The following MPPE1 variants were observed in gnomAD, a reference collection of about 807,000 sequenced individuals.
MPPE1 encodes metallophosphoesterase 1, also known as metallo phosphoesterase.
MPPE1 carries 28 observed loss-of-function variants against 43.8 expected under a neutral mutation model. The ratio of observed to expected loss-of-function variants is 0.64; its 90% CI spans 0.47 to 0.88. MPPE1 has a LOEUF of 0.88. MPPE1 is among the 40% of genes least tolerant of loss of function. The probability of loss-of-function intolerance (pLI) is 0.00; values close to 1 mark genes in which losing one functional copy is unlikely to be tolerated. For synonymous variants in MPPE1, 159 were observed against 188.5 expected, an observed-to-expected ratio of 0.84 and a Z score of 1.28; for missense variants, 428 against 492.2, an observed-to-expected ratio of 0.87 and a Z score of 1.23.
chr18:11,905,795 C>T (rs2143453956), intron 2 of MPPE1: 1 of 152,316 alleles, frequency 6.6e-6, no homozygotes, highest in East Asian at 1.9e-4. Context: ...CCACTTGTTC[C>T]TTGGTGAGTA....
intron 4 of MPPE1, chr18:11,893,158 T>C (rs1302848109): frequency 1.0e-5 from 3 of 289,192 alleles, no homozygotes; most frequent in African/African-American, 6.6e-5. Context: ...ATCTTGCCCG[T>C]TTCTCCCTTT....
intron 2 of MPPE1, among the ~76,000 whole-genome samples, chr18:11,900,749 TACAAAA>T (rs1408884773): frequency 6.7e-6 from 1 of 149,922 alleles, no homozygotes; most frequent in African/African-American, 2.5e-5. Context: ...CTACTAAAAA[TACAAAA>T]AATTAGCCAG....
intron 3 of MPPE1, among the ~76,000 whole-genome samples, chr18:11,894,431 CAAAAAAAA>C (rs66687820): frequency 0.033 from 2,149 of 65,258 alleles, 35 homozygotes; most frequent in East Asian, 0.14. Flanking sequence ...GACTCCATCT[CAAAAAAAA>C]AAAAAAAAAA....
At chr18:11,889,774 A>G (rs62097402) in intron 4 of MPPE1, among the ~76,000 whole-genome samples, 330 of 151,572 alleles carry the variant, frequency 2.2e-3, no homozygotes, top group Non-Finnish European at 3.7e-3. Flanking sequence ...GGGTTTCACC[A>G]TGTTAGCCAG....
At chr18:11,894,865 A>G (rs1230781150) in intron 3 of MPPE1, among the ~76,000 whole-genome samples, 2 of 152,188 alleles carry the variant, frequency 1.3e-5, no homozygotes, top group Non-Finnish European at 2.9e-5. Flanking sequence ...TGCTGGGATT[A>G]CAGGCATGAG....
In MPPE1 at chr18:11,897,071, G is replaced by A; in HGVS notation, c.194C>T (p.Thr65Ile). 2 of 1,534,030 alleles carry A rather than the reference G, an allele frequency of 1.3e-6. No individual in the cohort carries two copies. Among genetic ancestry groups the A allele is most frequent in the Non-Finnish European group, 1.8e-6 (2 of 1,122,708 alleles). Residue 65 changes from threonine to isoleucine, a missense_variant, in exon 3 of 11, where the codon ACA (threonine) becomes ATA (isoleucine). Transcript: ENST00000588072. ...CATGGCTTTGAGCACAGGCTCACGT[G>A]TGGTCTGTTCACCATCAGAGGCTGT... ...KTTASDGEQT[T>I]REPVLKAMFL...
chr18:11,886,005 G>C lies in MPPE1; in HGVS notation c.868-189C>G, dbSNP rs2037177258. The C allele has an allele frequency of 4.4e-6, 2 of 458,502 alleles. No homozygotes were observed. The highest frequency in any genetic ancestry group is 7.2e-6 in the Non-Finnish European group (2 of 277,736). 28.4% of individuals were successfully genotyped at this position (458,502 alleles called of 1,614,324 possible). A position where few individuals can be genotyped will look rare whatever the true frequency, so the allele number is the denominator to read the frequency against. Reference sequence around the variant, plus strand: ...TTATTTACACTAAATCAAAGGTAAGGTCAGCCCTTTGTTCTCATCCCAGAT... The same window carrying C: ...TTATTTACACTAAATCAAAGGTAAGCTCAGCCCTTTGTTCTCATCCCAGAT... On this transcript the variant is annotated intron_variant, in intron 9 of 10. Coordinates refer to ENST00000588072, the MANE Select transcript of MPPE1 (RefSeq NM_023075.6). This position sits in a 1 kb window ranked among gnomAD's most constrained non-coding sequence, Gnocchi z 4.1.
intron 10 of MPPE1, chr18:11,884,834 G>T: frequency 1.4e-6 from 2 of 1,392,436 alleles, no homozygotes; most frequent in South Asian, 3.1e-5. Context: ...GGAGAGACAA[G>T]TAAGGCCCAA....
At chr18:11,903,968 T>G (rs2039450162) in intron 2 of MPPE1, among the ~76,000 whole-genome samples, 1 of 152,358 alleles carries the variant, frequency 6.6e-6, no homozygotes. Flanking sequence ...TTTTTCTGCC[T>G]TATGCCCCTC....
Position 11,886,369 on chromosome 18 carries a change from C to A in MPPE1, c.867+130G>T. 1.5e-6 allele frequency: 2 copies of A among 1,311,386 alleles called. No homozygotes were observed. Among genetic ancestry groups the A allele is most frequent in the Non-Finnish European group, 2.2e-6 (2 of 922,834 alleles). 81.2% of individuals were successfully genotyped at this position (1,311,386 alleles called of 1,614,324 possible). A position where few individuals can be genotyped will look rare whatever the true frequency, so the allele number is the denominator to read the frequency against. ...GAAAGCCAGGCCTCCACCCCTGTCCCCCCAGGTGATAACTAAGTCATGAAC... is the reference window on the plus strand; with the variant it reads ...GAAAGCCAGGCCTCCACCCCTGTCCACCCAGGTGATAACTAAGTCATGAAC... On this transcript the variant is annotated intron_variant, in intron 9 of 10. Transcript: ENST00000588072. This position sits in a 1 kb window ranked among gnomAD's most constrained non-coding sequence, Gnocchi z 4.1.
chr18:11,889,845 T>C (rs970477990), intron 4 of MPPE1, among the ~76,000 whole-genome samples: 1 of 151,572 alleles, frequency 6.6e-6, no homozygotes, highest in Non-Finnish European at 1.5e-5. Context: ...GTGCTGGGAT[T>C]ACAGGTATGA....
At chr18:11,906,743 A>G (rs2039751804) in intron 1 of MPPE1, among the ~76,000 whole-genome samples, 1 of 151,850 alleles carries the variant, frequency 6.6e-6, no homozygotes. Context: ...AATCCCAGCT[A>G]CTCGGGAGGC....
intron 2 of MPPE1, chr18:11,902,117 G>C (rs1402064941): frequency 3.9e-5 from 6 of 152,230 alleles, no homozygotes; most frequent in African/African-American, 1.2e-4. Context: ...GGACAGCTTT[G>C]AGTGAAAAAT....
chr18:11,883,474 T>C lies in MPPE1; in HGVS notation c.*971A>G, dbSNP rs1422044112. 1 of 153,570 alleles carries C rather than the reference T, an allele frequency of 6.5e-6. No individual in the cohort carries two copies. The highest frequency in any genetic ancestry group is 1.9e-4 in the East Asian group (1 of 5,202). 9.5% of individuals were successfully genotyped at this position (153,570 alleles called of 1,614,324 possible). Reference sequence around the variant, plus strand: ...GAAAAAAAACAAAAAGAATAACTTTTATCTGGCTTACAATTATTAAAGCAT... The same window carrying C: ...GAAAAAAAACAAAAAGAATAACTTTCATCTGGCTTACAATTATTAAAGCAT... On this transcript the variant is annotated 3_prime_UTR_variant, in exon 11 of 11. Coordinates refer to ENST00000588072, the MANE Select transcript of MPPE1 (RefSeq NM_023075.6).
chr18:11,888,885 A>T, intron 5 of MPPE1, 142 bp from the exon 6 acceptor site: 1 of 519,196 alleles, frequency 1.9e-6, no homozygotes, highest in Middle Eastern at 5.0e-4. Flanking sequence ...GCCCCAGGAT[A>T]GCAAAGCTCA....
intron 4 of MPPE1, among the ~76,000 whole-genome samples, chr18:11,890,511 TG>T (rs1486398960): frequency 6.6e-6 from 1 of 152,056 alleles, no homozygotes; most frequent in Non-Finnish European, 1.5e-5. Flanking sequence ...GGTTTCGCCA[TG>T]TTGGCCAGGC....
rs1487696361 is a variant in MPPE1, at chr18:11,882,999, A to G, written c.*1446T>C. 1 of 152,070 alleles carries G rather than the reference A, an allele frequency of 6.6e-6. No individual in the cohort carries two copies. Among genetic ancestry groups the G allele is most frequent in the Admixed American group, 6.6e-5 (1 of 15,246 alleles). 9.4% of individuals were successfully genotyped at this position (152,070 alleles called of 1,614,324 possible). ...AATCTATAAAGATGTCCAAAGTTAA[A>G]TTTTCAACAATACAAATCTAGAGAA... On this transcript the variant is annotated 3_prime_UTR_variant, in exon 11 of 11. Transcript: ENST00000588072.
chr18:11,884,871 A>C, intron 10 of MPPE1: 1 of 1,348,984 alleles, frequency 7.4e-7, no homozygotes, highest in Admixed American at 3.0e-5. Flanking sequence ...AATGTCTGGG[A>C]CACTGACCTG....
At chr18:11,895,795 C>G (rs1037766227) in intron 3 of MPPE1, among the ~76,000 whole-genome samples, 2 of 151,776 alleles carry the variant, frequency 1.3e-5, no homozygotes, top group Non-Finnish European at 2.9e-5. Context: ...AAATTCCTGG[C>G]CTCAAGCAGT....
Sources: allele counts gnomAD v4.1 joint callset (sites outside exome capture counted in the v4.1 genomes callset), GRCh38; gene constraint gnomAD v4.1.1; non-coding constraint Gnocchi (gnomAD v3.1); transcripts MANE v1.5; gene names NCBI Gene and HGNC (gene_info 2026-07-23, HGNC 2026-07-21).